TET1: variants seen among roughly 807,000 people sequenced by gnomAD.
TET1 encodes tet methylcytosine dioxygenase 1.
In TET1, 13 loss-of-function variants were observed where a neutral mutation model predicts 148.7. That is an observed-to-expected ratio of 0.09 (90% CI 0.06 to 0.14). The LOEUF (loss-of-function observed/expected upper bound fraction) is 0.14, where lower values mean the gene tolerates loss of function less well. TET1 is among the 10% of genes least tolerant of loss of function. TET1 has a pLI of 1.00. For synonymous variants in TET1, 907 were observed against 937.2 expected (o/e 0.97, Z 0.59); for missense variants, 2,182 against 2,553.8 (o/e 0.85, Z 3.14).
chr10:68,646,745 G>C lies in TET1; in HGVS notation c.4016G>C (p.Gly1339Ala). The change falls in exon 4 of 12, where the codon GGT becomes GCT. Residue 1339 changes from glycine to alanine, a missense_variant. By Grantham distance (60) the Gly-to-Ala change is moderately conservative (BLOSUM62 0). This residue lies in a region of TET1 where 582 missense variants were observed against 599.5 expected (regional missense o/e 0.97). Transcript: ENST00000373644. ...LMHQRLPTLPGISHETPLPES... is the reference protein window; with the variant it reads ...LMHQRLPTLPAISHETPLPES... ...CATCAGAGACTGCCAACATTGCCTG[G>C]TATCTCTCATGAAACACCCTTACCG... 6.2e-7 allele frequency: 1 copy of C among 1,614,106 alleles called. No individual in the cohort carries two copies. The highest frequency in any genetic ancestry group is 8.5e-7 in the Non-Finnish European group (1 of 1,180,014).
chr10:68,691,224 C>T lies in TET1; in HGVS notation c.5821C>T (p.His1941Tyr), dbSNP rs756396686. The T allele has an allele frequency of 1.9e-6, 3 of 1,614,068 alleles. No homozygotes were observed. The Admixed American group carries it at 5.0e-5, about 27-fold the overall frequency. ...GCCGCTAACGCCTCATCAGCCAAAC[C>T]ACCAGCCCTCCTTCCTCACCTCTCC... Reference protein sequence around the residue: ...TEPLTPHQPNHQPSFLTSPQD... With the variant: ...TEPLTPHQPNYQPSFLTSPQD... The change falls in exon 12 of 12, where the codon CAC becomes TAC. Residue 1941 changes from histidine to tyrosine, a missense_variant. Around this residue, in one of 11 missense-constraint regions of TET1, gnomAD observed 380 missense variants for 387.9 expected, o/e 0.98. Coordinates refer to ENST00000373644, the MANE Select transcript of TET1 (RefSeq NM_030625.3). This position sits in a 1 kb window ranked among gnomAD's most constrained non-coding sequence, Gnocchi z 4.4.
chr10:68,582,536 TA>T (rs1207324264), intron 2 of TET1, among the ~76,000 whole-genome samples: 5 of 152,232 alleles, frequency 3.3e-5, no homozygotes, highest in Non-Finnish European at 7.3e-5. Context: ...GTAGTGTTAA[TA>T]TGATACAAAT....
rs866726556 is a variant in TET1, at chr10:68,633,450, G to A, written c.1969-11248G>A. On this transcript the variant is annotated intron_variant, in intron 3 of 11. Coordinates refer to ENST00000373644, the MANE Select transcript of TET1 (RefSeq NM_030625.3). ...GGCTGGAGTACAGTGGTGTGACCAC[G>A]GTTCACTGCAAACTCTGCCTCCCAG... Among the ~76,000 whole-genome samples, 29 of 151,864 alleles carry A rather than the reference G, an allele frequency of 1.9e-4. 1 individual carries two copies. In the South Asian group the frequency reaches 3.1e-3, roughly 16 times the overall value.
At chr10:68,595,977 C>G (rs377721014) in intron 2 of TET1, among the ~76,000 whole-genome samples, 2 of 59,104 alleles carry the variant, frequency 3.4e-5, no homozygotes, top group East Asian at 5.7e-4. Flanking sequence ...CACACACACA[C>G]ATATATACAC....
At position 68,693,422 on chromosome 10, in the gene TET1, A is replaced by C; in HGVS notation, c.*1608A>C. On this transcript the variant is annotated 3_prime_UTR_variant, in exon 12 of 12. Transcript: ENST00000373644. ...ACACTTACAATTTTGGTGCAAAAGC[A>C]AACAGTTCCAGCAGGCTCTCTAAAG... 1 of 233,436 alleles carries C rather than the reference A, an allele frequency of 4.3e-6. No homozygotes were observed. The highest frequency in any genetic ancestry group is 8.5e-6 in the Non-Finnish European group (1 of 117,922). 14.5% of individuals were successfully genotyped at this position (233,436 alleles called of 1,614,324 possible).
chr10:68,593,440 T>A (rs200731133), intron 2 of TET1, among the ~76,000 whole-genome samples: 78 of 145,176 alleles, frequency 5.4e-4, no homozygotes, highest in Non-Finnish European at 1.1e-3. Flanking sequence ...TTTAAAAAAA[T>A]TTTTAATTTT....
chr10:68,624,094 TC>T (rs2054413605), intron 3 of TET1, among the ~76,000 whole-genome samples: 1 of 148,620 alleles, frequency 6.7e-6, no homozygotes, highest in Non-Finnish European at 1.5e-5. Flanking sequence ...TTTCTTTCTT[TC>T]TTTCTTTTCT....
chr10:68,690,930 G>C lies in TET1; in HGVS notation c.5527G>C (p.Glu1843Gln). 1 of 1,614,198 alleles carries C rather than the reference G, an allele frequency of 6.2e-7. No individual in the cohort carries two copies. The part of the protein sequence containing the change: ...LMPSAPHPVK[E>Q]ASPGFSWSPK... ...GCCATCCGCTCCTCACCCAGTGAAAGAGGCATCTCCAGGCTTCTCCTGGTC... is the reference window on the plus strand; with the variant it reads ...GCCATCCGCTCCTCACCCAGTGAAACAGGCATCTCCAGGCTTCTCCTGGTC... Residue 1843 changes from glutamate to glutamine, a missense_variant, in exon 12 of 12, where the codon GAG becomes CAG. Coordinates refer to ENST00000373644, the MANE Select transcript of TET1 (RefSeq NM_030625.3).
chr10:68,579,008 C>A (rs571507339), intron 2 of TET1, among the ~76,000 whole-genome samples: 1 of 152,036 alleles, frequency 6.6e-6, no homozygotes, highest in African/African-American at 2.4e-5. Flanking sequence ...CATAGCAAGA[C>A]CCTGTCTGAA....
chr10:68,575,657 GTGCCACTGCAC>G (rs1388619729), intron 2 of TET1, among the ~76,000 whole-genome samples: 1 of 151,340 alleles, frequency 6.6e-6, no homozygotes, highest in Non-Finnish European at 1.5e-5. Flanking sequence ...AGACGTCATC[GTGCCACTGCAC>G]TACAGCCTGG....
At chr10:68,600,905 G>C in intron 2 of TET1, 76 bp from the exon 3 acceptor site, 2 of 1,316,900 alleles carry the variant, frequency 1.5e-6, no homozygotes, top group Non-Finnish European at 2.2e-6. Context: ...CAGAGAAATA[G>C]CCAAAAATTT....
intron 2 of TET1, among the ~76,000 whole-genome samples, chr10:68,592,324 GAAAAAAC>G (rs151115995): frequency 0.041 from 6,215 of 151,908 alleles, 422 homozygotes; most frequent in African/African-American, 0.14. Flanking sequence ...AAAAGAAAAA[GAAAAAAC>G]AAAAAACAAA....
At chr10:68,615,150 C>T (rs1252101784) in intron 3 of TET1, among the ~76,000 whole-genome samples, 1 of 151,914 alleles carries the variant, frequency 6.6e-6, no homozygotes, top group Non-Finnish European at 1.5e-5. Flanking sequence ...CCAGGCTGGT[C>T]TCGAACTCCT....
chr10:68,642,945 T>C (rs1025462009), intron 3 of TET1, among the ~76,000 whole-genome samples: 8 of 152,056 alleles, frequency 5.3e-5, no homozygotes, highest in Non-Finnish European at 1.0e-4. Context: ...GGATTTCATG[T>C]CATGTAAATT....
chr10:68,688,141 G>C (rs2055540384), intron 11 of TET1, among the ~76,000 whole-genome samples: 1 of 152,092 alleles, frequency 6.6e-6, no homozygotes, highest in African/African-American at 2.4e-5. Flanking sequence ...CTGTCACCCA[G>C]GCTGGAGTAC....
intron 2 of TET1, among the ~76,000 whole-genome samples, chr10:68,599,379 A>G (rs2054025545): frequency 6.6e-6 from 1 of 152,194 alleles, no homozygotes; most frequent in African/African-American, 2.4e-5. Context: ...ACCGCCCTCT[A>G]CACTGCATTT....
intron 6 of TET1, among the ~76,000 whole-genome samples, chr10:68,654,861 G>A (rs1221271350): frequency 6.6e-6 from 1 of 152,160 alleles, no homozygotes; most frequent in Non-Finnish European, 1.5e-5. Context: ...ACTTGACTGG[G>A]GGAGAGTGGT....
chr10:68,575,005 G>A (rs1361002406), intron 2 of TET1, among the ~76,000 whole-genome samples: 1 of 152,182 alleles, frequency 6.6e-6, no homozygotes, highest in African/African-American at 2.4e-5. Flanking sequence ...TGTCAAATAT[G>A]ATGTTTTGTG....
At chr10:68,638,501 T>C (rs183061146) in intron 3 of TET1, among the ~76,000 whole-genome samples, 1 of 152,254 alleles carries the variant, frequency 6.6e-6, no homozygotes, top group East Asian at 1.9e-4. Flanking sequence ...CCAAATGGTA[T>C]GTCCGTGGTA....
Sources: allele counts gnomAD v4.1 joint callset (sites outside exome capture counted in the v4.1 genomes callset), GRCh38; gene constraint gnomAD v4.1.1; regional missense constraint gnomAD v4.1.1; non-coding constraint Gnocchi (gnomAD v3.1); transcripts MANE v1.5; gene names NCBI Gene and HGNC (gene_info 2026-07-23, HGNC 2026-07-21).